Variants in SEL1L2 observed in about 807,000 individuals in gnomAD.
SEL1L2 encodes protein sel-1 homolog 2.
In SEL1L2, 89 loss-of-function variants were observed where a neutral mutation model predicts 98.8. The observed-to-expected ratio is 0.90, with a 90% CI of 0.76 to 1.07. The LOEUF (loss-of-function observed/expected upper bound fraction) is 1.07, where lower values mean the gene tolerates loss of function less well. SEL1L2 is among the 50% of genes least tolerant of loss of function. SEL1L2 has a pLI of 0.00. For missense variants in SEL1L2, 788 were observed against 812.0 expected, an observed-to-expected ratio of 0.97 and a Z score of 0.36; for synonymous variants, 262 against 278.5, an observed-to-expected ratio of 0.94 and a Z score of 0.59.
upstream of SEL1L2, among the ~76,000 whole-genome samples, chr20:13,993,008 G>T (rs961413451): frequency 6.6e-6 from 1 of 152,088 alleles, no homozygotes; most frequent in African/African-American, 2.4e-5. Flanking sequence ...TTGGGTGCAC[G>T]TAAGTCAGTC....
At chr20:13,960,685 T>C (rs1035405890) in intron 1 of SEL1L2, among the ~76,000 whole-genome samples, 5 of 152,136 alleles carry the variant, frequency 3.3e-5, no homozygotes, top group African/African-American at 7.2e-5. Context: ...TTGAGAAACA[T>C]TGGTGATTGC....
chr20:13,864,500 A>G lies in SEL1L2; in HGVS notation c.1645+667T>C, dbSNP rs112188233. On this transcript the variant is annotated intron_variant, in intron 17 of 19. Transcript: ENST00000284951. Reference sequence around the variant, plus strand: ...GCTTTTAATAATATAATTTTAGGGGAAAAATAGTAAGAGACATCGCAATGC... The same window carrying G: ...GCTTTTAATAATATAATTTTAGGGGGAAAATAGTAAGAGACATCGCAATGC... 6.0e-3 allele frequency among the ~76,000 whole-genome samples: 920 copies of G among 152,244 alleles called. 5 individuals are homozygous for G. Among genetic ancestry groups the G allele is most frequent in the Non-Finnish European group, 9.7e-3 (660 of 68,022 alleles).
chr20:13,927,310 A>G (rs181688695), intron 3 of SEL1L2, among the ~76,000 whole-genome samples: 3 of 152,336 alleles, frequency 2.0e-5, no homozygotes, highest in Admixed American at 2.0e-4. Flanking sequence ...ATTCAACTCA[A>G]TGTAATTCAG....
At chr20:13,870,924 A>C (rs2147861578) in intron 12 of SEL1L2, among the ~76,000 whole-genome samples, 1 of 136,410 alleles carries the variant, frequency 7.3e-6, no homozygotes, top group East Asian at 2.0e-4. Flanking sequence ...CTCCATCTCA[A>C]AAAAAAAAAA....
rs951726963 is a variant in SEL1L2 at position 13,914,296 on chromosome 20, C to T, written c.387-352G>A. 3.3e-4 allele frequency among the ~76,000 whole-genome samples: 50 copies of T among 152,060 alleles called. 1 individual carries two copies. The highest frequency in any genetic ancestry group is 6.9e-4 in the Non-Finnish European group (47 of 68,006). On this transcript the variant is annotated intron_variant, in intron 4 of 19. Transcript: ENST00000284951. ...GAGGAACTTTTTCTAAAATACTGAA[C>T]TCTCCCATGGCCACCACCATTATTT...
Position 13,927,177 on chromosome 20 carries a change from C to A in SEL1L2, c.283+4426G>T, listed in dbSNP as rs555198438. Reference sequence around the variant, plus strand: ...TCATGTTCAACTATAAAATACTATCCAAATGTACTCTAAAAACGTTAAGCC... The same window carrying A: ...TCATGTTCAACTATAAAATACTATCAAAATGTACTCTAAAAACGTTAAGCC... On this transcript the variant is annotated intron_variant, in intron 3 of 19. Transcript: ENST00000284951. Among the ~76,000 whole-genome samples, 5 of 152,262 alleles carry A rather than the reference C, an allele frequency of 3.3e-5. No homozygotes were observed. In the South Asian group the frequency reaches 1.0e-3, roughly 32 times the overall value.
chr20:13,935,958 C>T (rs1392594486), intron 2 of SEL1L2, among the ~76,000 whole-genome samples: 2 of 152,084 alleles, frequency 1.3e-5, no homozygotes. Flanking sequence ...ACAAGATTTT[C>T]TGTTGAAGGG....
At chr20:13,991,865 C>T (rs573549737), upstream of SEL1L2, among the ~76,000 whole-genome samples, 5 of 152,076 alleles carry the variant, frequency 3.3e-5, no homozygotes, top group African/African-American at 4.8e-5. Flanking sequence ...TGGTGGTATG[C>T]GCCTGTAGTT....
chr20:13,993,825 C>A (rs576026337), upstream of SEL1L2, among the ~76,000 whole-genome samples: 2 of 152,150 alleles, frequency 1.3e-5, no homozygotes, highest in African/African-American at 2.4e-5. Context: ...TCTTCCTCAC[C>A]TTTCTTTCAA....
chr20:13,870,428 A>T (rs1173239072), intron 12 of SEL1L2, among the ~76,000 whole-genome samples: 1 of 152,200 alleles, frequency 6.6e-6, no homozygotes, highest in Non-Finnish European at 1.5e-5. Flanking sequence ...CCATTCTTGT[A>T]TTCAACACTT....
chr20:13,863,669 T>C (rs1221566035), intron 17 of SEL1L2, among the ~76,000 whole-genome samples: 2 of 152,172 alleles, frequency 1.3e-5, no homozygotes, highest in African/African-American at 4.8e-5. Context: ...AGGAATTCAG[T>C]TTAATATCAA....
In SEL1L2 at chr20:13,919,071, C is replaced by CTTA; in HGVS notation, c.333_335dup (p.Phe111_Lys112insAsn). On this transcript the variant is annotated inframe_insertion, in exon 4 of 20. Transcript: ENST00000284951. ...ACTGCTGGAGAACCTTGATGCCCAT[C>CTTA]TTAAATAGCTGGTCTCCTTCATCTG... The CTTA allele has an allele frequency of 6.2e-7, 1 of 1,613,826 alleles. No individual in the cohort carries two copies. The highest frequency in any genetic ancestry group is 1.7e-5 in the Admixed American group (1 of 59,978).
chr20:13,904,872 T>C (rs1297807720), intron 5 of SEL1L2, among the ~76,000 whole-genome samples: 1 of 152,184 alleles, frequency 6.6e-6, no homozygotes, highest in Non-Finnish European at 1.5e-5. Flanking sequence ...AAAGATACTG[T>C]TCTATTGAGT....
At chr20:13,965,545 A>C (rs2051002878) in intron 1 of SEL1L2, among the ~76,000 whole-genome samples, 1 of 152,306 alleles carries the variant, frequency 6.6e-6, no homozygotes, top group Middle Eastern at 3.4e-3. Context: ...CATTCATACA[A>C]TAGCCTCCTA....
At chr20:13,937,951 T>C (rs1452777966) in intron 2 of SEL1L2, among the ~76,000 whole-genome samples, 1 of 152,226 alleles carries the variant, frequency 6.6e-6, no homozygotes, top group Admixed American at 6.5e-5. Flanking sequence ...GGCTAATGTC[T>C]GCTTTTTATT....
intron 5 of SEL1L2, among the ~76,000 whole-genome samples, chr20:13,896,910 T>C (rs538868538): frequency 1.3e-5 from 2 of 152,300 alleles, no homozygotes; most frequent in Middle Eastern, 3.4e-3. Context: ...AAACCCATCC[T>C]AAAATTTATA....
chr20:13,889,944 G>A (rs2047134421), intron 5 of SEL1L2, among the ~76,000 whole-genome samples: 2 of 152,178 alleles, frequency 1.3e-5, no homozygotes, highest in Non-Finnish European at 1.5e-5. Context: ...GGAATAGGAA[G>A]CCTCAGACTG....
chr20:13,961,342 A>G (rs1383802435), intron 1 of SEL1L2, among the ~76,000 whole-genome samples: 3 of 152,220 alleles, frequency 2.0e-5, no homozygotes, highest in African/African-American at 7.2e-5. Context: ...TTTACATAAC[A>G]TGAAACACAC....
chr20:13,882,816 T>C (rs1366623904), intron 10 of SEL1L2, among the ~76,000 whole-genome samples: 2 of 121,794 alleles, frequency 1.6e-5, no homozygotes, highest in Non-Finnish European at 3.7e-5. Flanking sequence ...ATTTGTCTTT[T>C]TTTTTTTTTT....
Sources: gnomAD v4.1 joint callset for allele counts (sites outside exome capture counted in the v4.1 genomes callset) on GRCh38, gnomAD v4.1.1 for gene constraint, MANE v1.5 for transcripts, NCBI Gene and HGNC (gene_info 2026-07-23, HGNC 2026-07-21) for gene names.